Variants in FOXP2 observed in about 807,000 individuals in gnomAD.
FOXP2 encodes forkhead box protein P2.
FOXP2 carries 12 observed loss-of-function variants against 115.8 expected under a neutral mutation model. The ratio of observed to expected loss-of-function variants is 0.10; its 90% CI spans 0.07 to 0.17. FOXP2 has a LOEUF of 0.17. FOXP2 is among the 10% of genes least tolerant of loss of function. The pLI is 1.00. For missense variants in FOXP2, 629 were observed against 843.5 expected (o/e 0.75, Z 3.15); for synonymous variants, 328 against 297.7 (o/e 1.10, Z -1.05).
chr7:114,135,769 A>G (rs1792021340), intron 1 of FOXP2, among the ~76,000 whole-genome samples: 3 of 152,108 alleles, frequency 2.0e-5, no homozygotes, highest in African/African-American at 7.2e-5. Flanking sequence ...AATCTAATTT[A>G]CTTAACCCAT....
intron 1 of FOXP2, among the ~76,000 whole-genome samples, chr7:114,201,754 T>C (rs1363295423): frequency 6.6e-6 from 1 of 152,192 alleles, no homozygotes; most frequent in African/African-American, 2.4e-5. Context: ...ACATGAACTG[T>C]CTACTGTATC....
chr7:114,490,640 T>A (rs1796998597), intron 2 of FOXP2, among the ~76,000 whole-genome samples: 1 of 152,282 alleles, frequency 6.6e-6, no homozygotes, highest in East Asian at 1.9e-4. Context: ...AATCTCCTAA[T>A]GCTATCCCTC....
In FOXP2 at chr7:114,169,277, G is replaced by A. The variant is rs1328557684; in HGVS notation, c.-102+6189G>A. 4.6e-5 allele frequency among the ~76,000 whole-genome samples: 7 copies of A among 152,286 alleles called. No homozygotes were observed. The East Asian group carries it at 5.8e-4, about 13-fold the overall frequency. ...TCAATGCCAGCTGGTGAAAGCAGCC[G>A]GGAGGGAGGCTGTACCCTGCAAAGC... On this transcript the variant is annotated intron_variant, in intron 1 of 17. Coordinates refer to the FOXP2 transcript ENST00000634411.
intron 3 of FOXP2, chr7:114,538,222 A>C (rs1799490342): frequency 1.2e-6 from 1 of 816,386 alleles, no homozygotes; most frequent in South Asian, 1.4e-5. Flanking sequence ...AATTTAAAAA[A>C]ATTTTTGTAA....
intron 2 of FOXP2, among the ~76,000 whole-genome samples, chr7:114,476,918 T>C (rs961856009): frequency 3.9e-5 from 6 of 151,992 alleles, no homozygotes; most frequent in African/African-American, 1.4e-4. Context: ...GCATCACTAA[T>C]CATCAAATAA....
intron 3 of FOXP2, among the ~76,000 whole-genome samples, chr7:114,588,915 C>T (rs1802294353): frequency 6.6e-6 from 1 of 152,082 alleles, no homozygotes; most frequent in Admixed American, 6.6e-5. Flanking sequence ...TAACTCCCTG[C>T]TATAAAAAGA....
At chr7:114,232,880 T>G (rs1668331) in intron 1 of FOXP2, among the ~76,000 whole-genome samples, 82,783 of 151,860 alleles carry the variant, frequency 0.55, 25,102 homozygotes, top group Admixed American at 0.73. Flanking sequence ...TGAATGAAAT[T>G]TGAGATCATT....
intron 3 of FOXP2, among the ~76,000 whole-genome samples, chr7:114,572,230 G>A (rs1801342301): frequency 6.7e-6 from 1 of 149,984 alleles, no homozygotes; most frequent in Non-Finnish European, 1.5e-5. Flanking sequence ...CTATTCTATA[G>A]AAATGGTAAA....
At chr7:114,526,378 G>A (rs1408249578) in intron 2 of FOXP2, among the ~76,000 whole-genome samples, 3 of 150,658 alleles carry the variant, frequency 2.0e-5, no homozygotes, top group Non-Finnish European at 3.0e-5. Context: ...TCGGGAGGCC[G>A]AGGCAGGAGA....
In FOXP2 at chr7:114,122,923, A is replaced by AT. The variant is rs113102652; in HGVS notation, c.-247+35092dup. ...AACAACATTGTGTTTAACTTTATAC[A>AT]TTTTTTTCACAGATTTATTTACCTG... is the stretch of plus-strand genomic sequence containing the variant. On this transcript the variant is annotated intron_variant, in intron 1 of 19. Coordinates refer to the FOXP2 transcript ENST00000635638. 1.1e-4 allele frequency among the ~76,000 whole-genome samples: 17 copies of AT among 151,764 alleles called. No homozygotes were observed. In the East Asian group the frequency reaches 2.5e-3, roughly 23 times the overall value.
At chr7:114,121,290 G>T (rs1018530964) in intron 1 of FOXP2, among the ~76,000 whole-genome samples, 40 of 151,998 alleles carry the variant, frequency 2.6e-4, no homozygotes, top group Non-Finnish European at 4.9e-4. Flanking sequence ...ACTGAAGAAG[G>T]CCCTCATCAG....
At chr7:114,210,892 G>A (rs1794329373) in intron 1 of FOXP2, among the ~76,000 whole-genome samples, 1 of 152,140 alleles carries the variant, frequency 6.6e-6, no homozygotes, top group South Asian at 2.1e-4. Flanking sequence ...AATCGATCGG[G>A]GTCCCACTTA....
At chr7:114,513,067 A>AC (rs1310618891) in intron 2 of FOXP2, among the ~76,000 whole-genome samples, 1 of 152,134 alleles carries the variant, frequency 6.6e-6, no homozygotes, top group Non-Finnish European at 1.5e-5. Context: ...CTGGTGACAG[A>AC]CCAAGACTCC....
intron 1 of FOXP2, among the ~76,000 whole-genome samples, chr7:114,271,420 G>A (rs1025902678): frequency 1.4e-5 from 2 of 145,514 alleles, no homozygotes; most frequent in Admixed American, 1.4e-4. Flanking sequence ...GGATTTCATA[G>A]ATGTTCTTTA....
chr7:114,585,507 C>G (rs1802088588), intron 3 of FOXP2, among the ~76,000 whole-genome samples: 1 of 151,650 alleles, frequency 6.6e-6, no homozygotes. Context: ...TGCATTTTAA[C>G]ACGGTCTTCA....
Position 114,102,120 on chromosome 7 carries a change from A to G in FOXP2, c.-247+14282A>G, listed in dbSNP as rs1271050112. Among the ~76,000 whole-genome samples, 3 of 152,038 alleles carry G rather than the reference A, an allele frequency of 2.0e-5. No homozygotes were observed. In the East Asian group the frequency reaches 5.8e-4, roughly 29 times the overall value. The stretch of plus-strand genomic sequence containing the variant: ...TTATCTCATTTTGAGCATTTATTAA[A>G]TATTTGAGCCATGTTTCTATACTGT... On this transcript the variant is annotated intron_variant, in intron 1 of 19. Coordinates refer to the FOXP2 transcript ENST00000635638.
intron 2 of FOXP2, among the ~76,000 whole-genome samples, chr7:114,326,099 A>G (rs745500640): frequency 2.6e-5 from 4 of 152,084 alleles, no homozygotes; most frequent in African/African-American, 4.8e-5. Flanking sequence ...TAGTTCATTC[A>G]TGGTCTGATC....
At chr7:114,544,920 A>G (rs1462828338) in intron 3 of FOXP2, among the ~76,000 whole-genome samples, 3 of 152,200 alleles carry the variant, frequency 2.0e-5, no homozygotes, top group Non-Finnish European at 4.4e-5. Context: ...ACACAGTCTT[A>G]GAGGATGTTT....
intron 1 of FOXP2, among the ~76,000 whole-genome samples, chr7:114,136,096 G>A (rs1270013237): frequency 6.6e-6 from 1 of 151,940 alleles, no homozygotes; most frequent in African/African-American, 2.4e-5. Context: ...AAGATTTGCT[G>A]GAATGTGTCT....
Sources: gnomAD v4.1 joint callset for allele counts (sites outside exome capture counted in the v4.1 genomes callset) on GRCh38, gnomAD v4.1.1 for gene constraint, MANE v1.5 for transcripts, NCBI Gene and HGNC (gene_info 2026-07-23, HGNC 2026-07-21) for gene names.